DNAJC17: variants seen among roughly 807,000 people sequenced by gnomAD.
DNAJC17 encodes the protein dnaJ homolog subfamily C member 17.
DNAJC17 carries 35 observed loss-of-function variants against 48.1 expected under a neutral mutation model. The ratio of observed to expected loss-of-function variants is 0.73; its 90% CI spans 0.56 to 0.96. DNAJC17 has a LOEUF of 0.96. DNAJC17 is among the 50% of genes least tolerant of loss of function. DNAJC17 has a pLI of 0.00. For missense variants in DNAJC17, 355 were observed against 377.1 expected, an observed-to-expected ratio of 0.94 and a Z score of 0.48; for synonymous variants, 117 against 142.7, an observed-to-expected ratio of 0.82 and a Z score of 1.28.
rs117485355 is a variant in DNAJC17 at position 40,774,427 on chromosome 15, C to G, written c.610G>C (p.Val204Leu). The change falls in exon 9 of 11, where the codon GTT becomes CTT. Residue 204 changes from valine to leucine, a missense_variant. Around this residue, in one of 3 missense-constraint regions of DNAJC17, gnomAD observed 68 missense variants for 109.5 expected, o/e 0.62. Coordinates refer to ENST00000220496, the MANE Select transcript of DNAJC17 (RefSeq NM_018163.3). ...TTACTGGAAAGCACCAGGTTGAGAA[C>G]CTCACCATACTGTGGGGACAAAGGG... is the stretch of plus-strand genomic sequence containing the variant. ...LLRLLQKYGEVLNLVLSSKKP... is the reference protein window; with the variant it reads ...LLRLLQKYGELLNLVLSSKKP... The G allele has an allele frequency of 5.0e-3, 7,996 of 1,614,034 alleles. 27 individuals are homozygous for G. The highest frequency in any genetic ancestry group is 5.9e-3 in the Non-Finnish European group (6,924 of 1,180,016).
intron 1 of DNAJC17, among the ~76,000 whole-genome samples, chr15:40,786,758 A>C (rs138558353): frequency 2.6e-5 from 4 of 152,330 alleles, no homozygotes; most frequent in Non-Finnish European, 5.9e-5. Flanking sequence ...GCTCTTTCTA[A>C]GGCCCAGCCT....
chr15:40,789,749 G>C (rs765774595), intron 1 of DNAJC17, among the ~76,000 whole-genome samples: 5 of 151,298 alleles, frequency 3.3e-5, no homozygotes, highest in Non-Finnish European at 7.4e-5. Context: ...TTAATGCATT[G>C]TTTCCTTTAT....
chr15:40,800,441 T>C (rs1325719601), intron 1 of DNAJC17, among the ~76,000 whole-genome samples: 6 of 152,098 alleles, frequency 3.9e-5, no homozygotes, highest in African/African-American at 1.4e-4. Flanking sequence ...TATTGACCAT[T>C]TGTACATCAT....
rs964634838 is a variant in DNAJC17 at position 40,770,257 on chromosome 15, T to C, written c.793-2195A>G. On this transcript the variant is annotated intron_variant, in intron 10 of 10. Coordinates refer to ENST00000220496, the MANE Select transcript of DNAJC17 (RefSeq NM_018163.3). The surrounding 1 kb of genome is among the most constrained non-coding windows in gnomAD (Gnocchi z 5.0). Reference sequence around the variant, plus strand: ...TCAGTAACCAGGCCACTCCTGTCCCTGTGGGAAACTCTTGCTGCCAGGAAC... The same window carrying C: ...TCAGTAACCAGGCCACTCCTGTCCCCGTGGGAAACTCTTGCTGCCAGGAAC... The C allele has an allele frequency of 5.4e-6, 3 of 558,654 alleles. No homozygotes were observed. The highest frequency in any genetic ancestry group is 3.8e-5 in the African/African-American group (2 of 53,130). The allele number at this position is 558,654 out of a possible 1,614,324, so 34.6% of individuals were successfully genotyped here.
Position 40,775,077 on chromosome 15 carries a change from G to C in DNAJC17, c.554C>G (p.Ser185Ter). ...LKWKCKKEDESKGGYSKDVLL... is the reference protein window; with the variant it reads ...LKWKCKKEDE The stretch of plus-strand genomic sequence containing the variant: ...GACGTCTTTGGAGTAGCCACCTTTT[G>C]ACTCATCCTCCTTCTTGCACTTCCA... Residue 185 changes from serine (S) to a stop codon, truncating the protein, a stop_gained, in exon 8 of 11, where the codon TCA becomes TGA. Coordinates refer to ENST00000220496, the MANE Select transcript of DNAJC17 (RefSeq NM_018163.3). LOFTEE classifies it high-confidence loss of function. 6.2e-7 allele frequency: 1 copy of C among 1,614,150 alleles called. No homozygotes were observed. The highest frequency in any genetic ancestry group is 1.3e-5 in the African/African-American group (1 of 75,028).
rs1044944636 is a variant in DNAJC17, at chr15:40,807,455, C to T, written c.-9G>A. The stretch of plus-strand genomic sequence containing the variant: ...TCCTTGGTCACTGCCATGGTTCCGG[C>T]CTGACGGATTCGTACTACAACTCCC... On this transcript the variant is annotated 5_prime_UTR_variant, in exon 1 of 11. Coordinates refer to ENST00000220496, the MANE Select transcript of DNAJC17 (RefSeq NM_018163.3). The T allele has an allele frequency of 1.2e-6, 2 of 1,614,062 alleles. No individual in the cohort carries two copies. Among genetic ancestry groups the T allele is most frequent in the Non-Finnish European group, 1.7e-6 (2 of 1,180,002 alleles).
intron 1 of DNAJC17, among the ~76,000 whole-genome samples, chr15:40,799,063 C>T (rs571561828): frequency 1.3e-5 from 2 of 151,180 alleles, no homozygotes; most frequent in South Asian, 4.2e-4. Flanking sequence ...ACTAAAAATA[C>T]AAAAAAAATT....
chr15:40,803,302 T>C (rs981069079), intron 1 of DNAJC17, among the ~76,000 whole-genome samples: 25 of 152,230 alleles, frequency 1.6e-4, no homozygotes, highest in Non-Finnish European at 4.4e-5. Context: ...TTGTTTGTCC[T>C]CTAGGTTGCC....
In DNAJC17 at chr15:40,807,407, C is replaced by G; in HGVS notation, c.40G>C (p.Ala14Pro). 6.2e-7 allele frequency: 1 copy of G among 1,614,270 alleles called. No homozygotes were observed. Among genetic ancestry groups the G allele is most frequent in the Admixed American group, 1.7e-5 (1 of 60,036 alleles). ...GCCTTCTCCTCAATGCCTAGCAGCG[C>G]GTACAGGTCCATCTGTAAGAGCTCC... ...TKELLQMDLY[A>P]LLGIEEKAAD... The change falls in exon 1 of 11, where the codon GCG becomes CCG. Residue 14 changes from alanine to proline, a missense_variant. By Grantham distance (27) the Ala-to-Pro change is conservative (BLOSUM62 -1). Transcript: ENST00000220496.
Position 40,781,431 on chromosome 15 carries a change from C to T in DNAJC17, c.79-1434G>A, listed in dbSNP as rs532486219. 5.9e-5 allele frequency among the ~76,000 whole-genome samples: 9 copies of T among 151,718 alleles called. 1 individual carries two copies. Among genetic ancestry groups the T allele is most frequent in the African/African-American group, 1.7e-4 (7 of 41,394 alleles). ...AGGAGAATCACTTGAGCCCCAGAGGCGGAGGTTGCAGTGAGCCGAGATCAT... is the reference window on the plus strand; with the variant it reads ...AGGAGAATCACTTGAGCCCCAGAGGTGGAGGTTGCAGTGAGCCGAGATCAT... On this transcript the variant is annotated intron_variant, in intron 1 of 10. Transcript: ENST00000220496.
intron 5 of DNAJC17, 77 bp from the exon 6 acceptor site, chr15:40,776,369 G>C (rs1364545710): frequency 6.6e-7 from 1 of 1,523,244 alleles, no homozygotes; most frequent in Non-Finnish European, 9.0e-7. Flanking sequence ...AAAGTCCTTG[G>C]GAGCTTCCAC....
intron 1 of DNAJC17, among the ~76,000 whole-genome samples, chr15:40,805,791 A>C (rs1380264426): frequency 6.6e-6 from 1 of 152,176 alleles, no homozygotes; most frequent in Non-Finnish European, 1.5e-5. Context: ...AGATCGCGCC[A>C]CTGCACTCCA....
intron 4 of DNAJC17, chr15:40,776,850 T>G: frequency 1.9e-6 from 1 of 532,688 alleles, no homozygotes; most frequent in Non-Finnish European, 3.4e-6. Flanking sequence ...TCTGGAAGAG[T>G]TAAAAACAGC....
At position 40,779,217 on chromosome 15, in the gene DNAJC17, A is replaced by G; in HGVS notation, c.295+6T>C. On this transcript the variant is annotated splice_donor_region_variant and intron_variant, in intron 4 of 10. Transcript: ENST00000220496. ...ACAGGCCACCGAGCACTATGATGGC[A>G]CCTACCAAGCTTCACTTTCTTCCTT... The G allele has an allele frequency of 6.2e-7, 1 of 1,613,964 alleles. No individual in the cohort carries two copies. Among genetic ancestry groups the G allele is most frequent in the Non-Finnish European group, 8.5e-7 (1 of 1,179,900 alleles).
intron 2 of DNAJC17, 87 bp from the exon 3 acceptor site, chr15:40,779,690 A>G: frequency 1.6e-5 from 23 of 1,438,194 alleles, no homozygotes; most frequent in Non-Finnish European, 2.2e-5. Flanking sequence ...AAAATCTTCA[A>G]AGAAGTCACA....
chr15:40,787,425 A>G (rs1393787346), intron 1 of DNAJC17, among the ~76,000 whole-genome samples: 1 of 152,230 alleles, frequency 6.6e-6, no homozygotes, highest in African/African-American at 2.4e-5. Flanking sequence ...AGCAGAAGGA[A>G]GTAGGTGCCA....
At position 40,793,181 on chromosome 15, in the gene DNAJC17, C is replaced by T. The variant is rs200273577; in HGVS notation, c.79-13184G>A. Reference sequence around the variant, plus strand: ...GTGCTGGGATTACAGGCGTGAGCACCGTGCCCAGCCCATGAAGATCCCTTC... The same window carrying T: ...GTGCTGGGATTACAGGCGTGAGCACTGTGCCCAGCCCATGAAGATCCCTTC... On this transcript the variant is annotated intron_variant, in intron 1 of 10. Coordinates refer to ENST00000220496, the MANE Select transcript of DNAJC17 (RefSeq NM_018163.3). Among the ~76,000 whole-genome samples the T allele has an allele frequency of 3.9e-4, 60 of 152,230 alleles. No homozygotes were observed. The East Asian group carries it at 0.011, about 28-fold the overall frequency.
chr15:40,805,334 C>G (rs1890176470), intron 1 of DNAJC17, among the ~76,000 whole-genome samples: 1 of 148,632 alleles, frequency 6.7e-6, no homozygotes, highest in Non-Finnish European at 1.5e-5. Context: ...CGAGATCATG[C>G]CACTGCACTC....
At chr15:40,806,058 G>A (rs1004135443) in intron 1 of DNAJC17, among the ~76,000 whole-genome samples, 3 of 151,886 alleles carry the variant, frequency 2.0e-5, no homozygotes, top group Non-Finnish European at 4.4e-5. Context: ...TTTCAGCTGC[G>A]GCTGCAGGGG....
Sources: gnomAD v4.1 joint callset for allele counts (sites outside exome capture counted in the v4.1 genomes callset) on GRCh38, gnomAD v4.1.1 for gene constraint, gnomAD v4.1.1 regional missense constraint, Gnocchi (gnomAD v3.1) non-coding constraint, MANE v1.5 for transcripts, NCBI Gene and HGNC (gene_info 2026-07-23, HGNC 2026-07-21) for gene names.